Variants in ADAMTS12 observed in about 807,000 individuals in gnomAD.
ADAMTS12 encodes A disintegrin and metalloproteinase with thrombospondin motifs 12.
ADAMTS12 carries 118 observed loss-of-function variants against 167.8 expected under a neutral mutation model. The observed-to-expected ratio is 0.70, with a 90% CI of 0.61 to 0.82. The LOEUF (loss-of-function observed/expected upper bound fraction) is 0.82, where lower values mean the gene tolerates loss of function less well. Ranked by LOEUF, ADAMTS12 falls within the 40% of genes least tolerant of loss-of-function variation. The pLI, the probability that ADAMTS12 is intolerant of heterozygous loss-of-function variation, is 0.00. For missense variants in ADAMTS12, 1,916 were observed against 1,998.8 expected, an observed-to-expected ratio of 0.96 and a Z score of 0.79; for synonymous variants, 704 against 716.9, an observed-to-expected ratio of 0.98 and a Z score of 0.29.
Position 33,576,264 on chromosome 5 carries a change from G to T in ADAMTS12, c.3762C>A (p.Asp1254Glu), listed in dbSNP as rs760821924. 6.2e-7 allele frequency: 1 copy of T among 1,614,192 alleles called. No homozygotes were observed. Among genetic ancestry groups the T allele is most frequent in the East Asian group, 2.2e-5 (1 of 44,882 alleles). Residue 1254 changes from aspartate to glutamate, a missense_variant, in exon 19 of 24, where the codon GAC becomes GAA. By Grantham distance (45) the Asp-to-Glu change is conservative. Transcript: ENST00000504830. ...PANTLLPLGG[D>E]HQPEPSGKTA... ...TCTTTCCTGAGGGTTCTGGCTGGTG[G>T]TCTCCTCCCAGAGGGAGCAGAGTGT...
At chr5:33,717,295 G>A (rs942933508) in intron 3 of ADAMTS12, among the ~76,000 whole-genome samples, 2 of 151,980 alleles carry the variant, frequency 1.3e-5, no homozygotes, top group African/African-American at 4.8e-5. Context: ...ATTTCATCTA[G>A]TCTTCTAAGG....
At chr5:33,730,121 C>A (rs1338018250) in intron 3 of ADAMTS12, among the ~76,000 whole-genome samples, 9 of 152,168 alleles carry the variant, frequency 5.9e-5, no homozygotes, top group African/African-American at 1.7e-4. Flanking sequence ...AGAAAGGAGA[C>A]CCACATTGTA....
At chr5:33,790,026 C>T (rs1444048208) in intron 2 of ADAMTS12, among the ~76,000 whole-genome samples, 1 of 152,064 alleles carries the variant, frequency 6.6e-6, no homozygotes, top group East Asian at 1.9e-4. Context: ...TATTATCACA[C>T]CTAACAAGGT....
chr5:33,808,339 A>T (rs1207036720), intron 2 of ADAMTS12, among the ~76,000 whole-genome samples: 1 of 152,294 alleles, frequency 6.6e-6, no homozygotes. Context: ...AAGCTTTTAA[A>T]AATTCTGATC....
chr5:33,624,074 C>T (rs1244123105), intron 14 of ADAMTS12, among the ~76,000 whole-genome samples, 157 bp downstream of exon 14: 1 of 152,194 alleles, frequency 6.6e-6, no homozygotes, highest in Non-Finnish European at 1.5e-5. Flanking sequence ...CCGAAGAACC[C>T]TTCCTCCTTT....
At chr5:33,761,137 T>C (rs1295347447) in intron 2 of ADAMTS12, among the ~76,000 whole-genome samples, 2 of 144,422 alleles carry the variant, frequency 1.4e-5, no homozygotes, top group African/African-American at 5.4e-5. Context: ...TTAGCCTTGA[T>C]ACAGCACTTC....
chr5:33,835,951 CTCTGTGTGTGTGTG>C lies in ADAMTS12; in HGVS notation c.489+45154_489+45167del, dbSNP rs1406510267. On this transcript the variant is annotated intron_variant, in intron 2 of 23. Coordinates refer to ENST00000504830, the MANE Select transcript of ADAMTS12 (RefSeq NM_030955.4). Reference sequence around the variant, plus strand: ...TCTCTCTCTCTCTCTCTCTCTCTCTCTCTGTGTGTGTGTGTGTGTCCATCTGGGCAGTTTATGCT... The same window carrying C: ...TCTCTCTCTCTCTCTCTCTCTCTCTCTGTGTCCATCTGGGCAGTTTATGCT... 5.3e-3 allele frequency among the ~76,000 whole-genome samples: 201 copies of C among 37,608 alleles called. 9 individuals carry two copies. Among genetic ancestry groups the C allele is most frequent in the African/African-American group, 0.014 (160 of 11,346 alleles). The allele number at this position is 37,608 out of a possible 152,430, so 24.7% of individuals were successfully genotyped here. A position where few individuals can be genotyped will look rare whatever the true frequency, so the allele number is the denominator to read the frequency against.
intron 19 of ADAMTS12, among the ~76,000 whole-genome samples, chr5:33,562,807 T>C (rs1745812365): frequency 6.6e-6 from 1 of 152,146 alleles, no homozygotes; most frequent in South Asian, 2.1e-4. Context: ...AACTTTTGTA[T>C]ATTTAGTAGA....
rs756351049 is a variant in ADAMTS12 at position 33,576,230 on chromosome 5, G to T, written c.3796C>A (p.Arg1266Ser). The change falls in exon 19 of 24, where the codon CGT becomes AGT. Residue 1266 changes from arginine to serine, a missense_variant. Coordinates refer to ENST00000504830, the MANE Select transcript of ADAMTS12 (RefSeq NM_030955.4). ...QPEPSGKTAN[R>S]NHLKLPNNMN... ...TTGTTTGGAAGTTTCAGGTGGTTAC[G>T]GTTTGCCGTCTTTCCTGAGGGTTCT... 1.2e-6 allele frequency: 2 copies of T among 1,614,198 alleles called. No homozygotes were observed. Among genetic ancestry groups the T allele is most frequent in the Non-Finnish European group, 1.7e-6 (2 of 1,180,032 alleles).
intron 1 of ADAMTS12, among the ~76,000 whole-genome samples, chr5:33,890,263 T>C (rs767865824): frequency 3.3e-5 from 5 of 152,162 alleles, no homozygotes; most frequent in Non-Finnish European, 5.9e-5. Flanking sequence ...CAGGCTTTGT[T>C]TGTGCTGCCC....
intron 3 of ADAMTS12, among the ~76,000 whole-genome samples, chr5:33,698,301 C>T (rs185243486): frequency 4.2e-3 from 647 of 152,254 alleles, no homozygotes; most frequent in Non-Finnish European, 6.6e-3. Flanking sequence ...TGAGAGGAAT[C>T]CAGGAAGCCT....
intron 13 of ADAMTS12, among the ~76,000 whole-genome samples, chr5:33,629,562 C>T (rs918844724): frequency 6.6e-6 from 1 of 152,102 alleles, no homozygotes; most frequent in Non-Finnish European, 1.5e-5. Context: ...AGTTCTCACC[C>T]TTGTATGCCT....
chr5:33,781,859 A>G (rs1416173512), intron 2 of ADAMTS12, among the ~76,000 whole-genome samples: 1 of 148,570 alleles, frequency 6.7e-6, no homozygotes, highest in Non-Finnish European at 1.5e-5. Context: ...ACCCCACAAC[A>G]GTCCCCAGAG....
At chr5:33,877,004 A>C (rs537895232) in intron 2 of ADAMTS12, among the ~76,000 whole-genome samples, 1 of 152,324 alleles carries the variant, frequency 6.6e-6, no homozygotes, top group African/African-American at 2.4e-5. Flanking sequence ...TAAAACAAGA[A>C]AGGAAATCTC....
intron 1 of ADAMTS12, among the ~76,000 whole-genome samples, chr5:33,885,287 TA>T (rs1750595695): frequency 6.6e-6 from 1 of 152,206 alleles, no homozygotes; most frequent in African/African-American, 2.4e-5. Flanking sequence ...GATATATTAA[TA>T]TATATGCATA....
intron 2 of ADAMTS12, among the ~76,000 whole-genome samples, chr5:33,754,913 A>G (rs891998363): frequency 3.3e-5 from 5 of 152,220 alleles, no homozygotes; most frequent in Non-Finnish European, 7.3e-5. Flanking sequence ...TCCCAAGTCT[A>G]CTAAAAACTG....
chr5:33,861,963 A>C (rs1561314535), intron 2 of ADAMTS12, among the ~76,000 whole-genome samples: 2 of 152,348 alleles, frequency 1.3e-5, no homozygotes, highest in Non-Finnish European at 2.9e-5. Flanking sequence ...AGAAATAAAG[A>C]ACATCTTTGA....
chr5:33,836,580 G>A (rs542306511), intron 2 of ADAMTS12, among the ~76,000 whole-genome samples: 4 of 152,212 alleles, frequency 2.6e-5, no homozygotes, highest in Admixed American at 6.5e-5. Context: ...ACGGGACCAA[G>A]GCAACAAAAA....
chr5:33,548,252 C>A (rs767747397), intron 21 of ADAMTS12, among the ~76,000 whole-genome samples: 1 of 152,192 alleles, frequency 6.6e-6, no homozygotes, highest in Non-Finnish European at 1.5e-5. Flanking sequence ...CACATCATAG[C>A]AGGATCAAAG....
Sources: allele counts gnomAD v4.1 joint callset (sites outside exome capture counted in the v4.1 genomes callset), GRCh38; gene constraint gnomAD v4.1.1; transcripts MANE v1.5; gene names NCBI Gene and HGNC (gene_info 2026-07-23, HGNC 2026-07-21).